The following AGTPBP1 variants were observed in gnomAD, a reference collection of about 807,000 sequenced individuals.
AGTPBP1 encodes the protein ATP/GTP binding carboxypeptidase 1.
In AGTPBP1, 70 loss-of-function variants were observed where a neutral mutation model predicts 143.9. The observed-to-expected ratio is 0.49, with a 90% CI of 0.40 to 0.59. AGTPBP1 has a LOEUF of 0.59. Among genes scored for constraint, AGTPBP1 ranks in the 20% least tolerant of loss-of-function variants. The pLI, the probability that AGTPBP1 is intolerant of heterozygous loss-of-function variation, is 0.00. For missense variants in AGTPBP1, 1,229 were observed against 1,464.5 expected, an observed-to-expected ratio of 0.84 and a Z score of 2.62; for synonymous variants, 463 against 500.2, an observed-to-expected ratio of 0.93 and a Z score of 0.99.
At chr9:85,659,338 A>C (rs1439302995) in intron 9 of AGTPBP1, among the ~76,000 whole-genome samples, 1 of 152,156 alleles carries the variant, frequency 6.6e-6, no homozygotes, top group African/African-American at 2.4e-5. Flanking sequence ...AAACCAAAAA[A>C]ATTTTGAAAA....
At chr9:85,749,595 A>G in the AGTPBP1 span, among the ~76,000 whole-genome samples, 1 of 152,150 alleles carries the variant, frequency 6.6e-6, no homozygotes, top group African/African-American at 2.4e-5. Context: ...ACTGAGGTCC[A>G]TGGATAGGCT....
chr9:85,775,820 T>G, the AGTPBP1 span, among the ~76,000 whole-genome samples: 1 of 152,026 alleles, frequency 6.6e-6, no homozygotes, highest in Non-Finnish European at 1.5e-5. Flanking sequence ...TGCTTTATAT[T>G]CATTGGCAGC....
chr9:85,581,656 C>A (rs1035625067), intron 23 of AGTPBP1, among the ~76,000 whole-genome samples: 2 of 152,196 alleles, frequency 1.3e-5, no homozygotes, highest in Non-Finnish European at 2.9e-5. Context: ...TGATGATCTA[C>A]TATCCACAAT....
intron 13 of AGTPBP1, among the ~76,000 whole-genome samples, chr9:85,639,451 G>A (rs1040925743): frequency 3.3e-5 from 5 of 150,454 alleles, no homozygotes; most frequent in Non-Finnish European, 5.9e-5. Flanking sequence ...AGATGACAAC[G>A]CAAAAAAAGA....
chr9:85,697,402 A>G (rs113195161), intron 2 of AGTPBP1, among the ~76,000 whole-genome samples: 1 of 42,428 alleles, frequency 2.4e-5, no homozygotes, highest in Non-Finnish European at 3.6e-5. Context: ...TAAATGAATT[A>G]ATATTTGTAA....
At chr9:85,641,575 G>C (rs1327587051) in intron 13 of AGTPBP1, among the ~76,000 whole-genome samples, 1 of 152,074 alleles carries the variant, frequency 6.6e-6, no homozygotes, top group Non-Finnish European at 1.5e-5. Flanking sequence ...CCAGAGCAGG[G>C]GGTGGCAGGG....
At chr9:85,576,703 G>T (rs1419029654) in intron 24 of AGTPBP1, among the ~76,000 whole-genome samples, 2 of 152,192 alleles carry the variant, frequency 1.3e-5, no homozygotes, top group Non-Finnish European at 2.9e-5. Context: ...TTTAAGAGAT[G>T]TTAAGTGTGT....
chr9:85,799,343 C>T, the AGTPBP1 span, among the ~76,000 whole-genome samples: 1 of 152,034 alleles, frequency 6.6e-6, no homozygotes, highest in Non-Finnish European at 1.5e-5. Flanking sequence ...TGGGTATATA[C>T]CCAATAATGG....
chr9:85,575,153 G>T (rs1448543211), intron 25 of AGTPBP1, among the ~76,000 whole-genome samples, 162 bp downstream of exon 25: 1 of 152,026 alleles, frequency 6.6e-6, no homozygotes, highest in African/African-American at 2.4e-5. Flanking sequence ...AACATTAAAA[G>T]AATCAGCAAT....
intron 8 of AGTPBP1, among the ~76,000 whole-genome samples, chr9:85,667,837 T>C (rs1482478622): frequency 6.7e-6 from 1 of 149,068 alleles, no homozygotes; most frequent in East Asian, 2.0e-4. Flanking sequence ...TTCAAAAGAT[T>C]ATGAGACATA....
At chr9:85,673,947 C>T (rs896775697) in intron 6 of AGTPBP1, among the ~76,000 whole-genome samples, 4 of 150,866 alleles carry the variant, frequency 2.7e-5, no homozygotes, top group African/African-American at 7.3e-5. Flanking sequence ...GGTGAAACCC[C>T]GTCTCTATTA....
rs1033692813 is a variant in AGTPBP1 at position 85,741,795 on chromosome 9, G to A, written c.-54C>T. 22 of 1,359,314 alleles carry A rather than the reference G, an allele frequency of 1.6e-5. No homozygotes were observed. The African/African-American group carries it at 2.9e-4, about 18-fold the overall frequency. The allele number at this position is 1,359,314 out of a possible 1,614,324, so 84.2% of individuals were successfully genotyped here. A position where few individuals can be genotyped will look rare whatever the true frequency, so the allele number is the denominator to read the frequency against. ...CTCACCGGCTCAGGATGGGGCGCTGGCGGGGACCGCGCAGAGCCGCAGCAC... is the reference window on the plus strand; with the variant it reads ...CTCACCGGCTCAGGATGGGGCGCTGACGGGGACCGCGCAGAGCCGCAGCAC... On this transcript the variant is annotated 5_prime_UTR_variant, in exon 1 of 26. Coordinates refer to ENST00000357081, the MANE Select transcript of AGTPBP1 (RefSeq NM_001330701.2).
intron 17 of AGTPBP1, among the ~76,000 whole-genome samples, chr9:85,601,825 C>T (rs897160103): frequency 3.9e-5 from 6 of 152,068 alleles, no homozygotes; most frequent in African/African-American, 1.4e-4. Flanking sequence ...CACTGGTGCC[C>T]AAGGAATGGC....
the AGTPBP1 span, among the ~76,000 whole-genome samples, chr9:85,771,846 G>A: frequency 2.0e-5 from 3 of 151,828 alleles, no homozygotes; most frequent in African/African-American, 7.2e-5. Flanking sequence ...TTTTAGTAGA[G>A]ACGGGGTTTC....
intron 3 of AGTPBP1, among the ~76,000 whole-genome samples, chr9:85,687,260 A>G (rs1835540812): frequency 6.6e-6 from 1 of 152,206 alleles, no homozygotes; most frequent in Non-Finnish European, 1.5e-5. Context: ...CCAAAATTAA[A>G]AAGATATACA....
At chr9:85,707,278 A>G (rs1343687160) in intron 2 of AGTPBP1, among the ~76,000 whole-genome samples, 4 of 152,236 alleles carry the variant, frequency 2.6e-5, no homozygotes, top group African/African-American at 9.6e-5. Flanking sequence ...AAATGTCCAC[A>G]GTAGAACGGA....
intron 3 of AGTPBP1, among the ~76,000 whole-genome samples, chr9:85,686,714 A>G (rs1835508179): frequency 6.6e-6 from 1 of 152,196 alleles, no homozygotes; most frequent in Non-Finnish European, 1.5e-5. Flanking sequence ...ATGAAGCTAT[A>G]TGGGAAGTTT....
At chr9:85,552,437 A>T (rs948644049) in intron 25 of AGTPBP1, among the ~76,000 whole-genome samples, 1 of 152,186 alleles carries the variant, frequency 6.6e-6, no homozygotes, top group African/African-American at 2.4e-5. Context: ...CATCCAAGAC[A>T]CCAGAATGTA....
chr9:85,583,571 A>G (rs1055618213), intron 23 of AGTPBP1, among the ~76,000 whole-genome samples: 1 of 152,208 alleles, frequency 6.6e-6, no homozygotes, highest in Non-Finnish European at 1.5e-5. Flanking sequence ...ATTTCCTTTC[A>G]CAACAAAATT....
Sources: allele counts gnomAD v4.1 joint callset (sites outside exome capture counted in the v4.1 genomes callset), GRCh38; gene constraint gnomAD v4.1.1; transcripts MANE v1.5; gene names NCBI Gene and HGNC (gene_info 2026-07-23, HGNC 2026-07-21).